The following LPP variants were observed in gnomAD, a reference collection of about 807,000 sequenced individuals.
The protein encoded by LPP is LIM domain containing preferred translocation partner in lipoma, also known as lipoma-preferred partner.
A neutral mutation model predicts 60.4 loss-of-function variants in LPP; 38 were observed. The observed-to-expected ratio is 0.63, with a 90% CI of 0.49 to 0.83. The LOEUF is 0.83. Among genes scored for constraint, LPP ranks in the 40% least tolerant of loss-of-function variants. LPP has a pLI of 0.00. For missense variants in LPP, 902 were observed against 783.6 expected, an observed-to-expected ratio of 1.15 and a Z score of -1.80; for synonymous variants, 328 against 290.8, an observed-to-expected ratio of 1.13 and a Z score of -1.30.
At chr3:188,388,724 C>G (rs914953914) in intron 3 of LPP, among the ~76,000 whole-genome samples, 1 of 152,124 alleles carries the variant, frequency 6.6e-6, no homozygotes, top group Non-Finnish European at 1.5e-5. Context: ...ATAAAACTTG[C>G]AAAAGTCTTC....
chr3:188,434,990 A>G (rs912708215), intron 4 of LPP, among the ~76,000 whole-genome samples: 5 of 152,228 alleles, frequency 3.3e-5, no homozygotes, highest in African/African-American at 1.2e-4. Flanking sequence ...CATAACTTCA[A>G]ACATCTCAGT....
chr3:188,387,286 A>ATT (rs750864833), intron 3 of LPP, among the ~76,000 whole-genome samples: 5 of 152,078 alleles, frequency 3.3e-5, no homozygotes, highest in Non-Finnish European at 7.4e-5. Context: ...TCATGATCAT[A>ATT]TTTATGTATT....
intron 8 of LPP, among the ~76,000 whole-genome samples, chr3:188,744,129 C>A (rs1258741664): frequency 6.6e-6 from 1 of 152,136 alleles, no homozygotes; most frequent in Non-Finnish European, 1.5e-5. Flanking sequence ...TACATACTCA[C>A]AAACATATAT....
chr3:188,575,895 G>C (rs116580249), intron 6 of LPP, among the ~76,000 whole-genome samples: 1 of 151,930 alleles, frequency 6.6e-6, no homozygotes, highest in Non-Finnish European at 1.5e-5. Context: ...CTATGTGATT[G>C]ACTGGATTTG....
At chr3:188,782,762 C>T (rs1382231340) in intron 9 of LPP, among the ~76,000 whole-genome samples, 1 of 151,750 alleles carries the variant, frequency 6.6e-6, no homozygotes, top group Non-Finnish European at 1.5e-5. Flanking sequence ...AAAACACAGC[C>T]GGGCATAATC....
intron 8 of LPP, among the ~76,000 whole-genome samples, chr3:188,755,393 A>C (rs990943837): frequency 1.3e-5 from 2 of 152,210 alleles, no homozygotes; most frequent in Non-Finnish European, 2.9e-5. Context: ...CTTGCAAAAG[A>C]GGGTCTGTGG....
chr3:188,565,072 C>T (rs1267595509), intron 6 of LPP, among the ~76,000 whole-genome samples: 3 of 151,888 alleles, frequency 2.0e-5, no homozygotes, highest in Non-Finnish European at 4.4e-5. Context: ...GCTGGTTCTT[C>T]TCCAGTACAC....
In LPP at chr3:188,609,029, C is replaced by T. The variant is rs1187503312; in HGVS notation, c.430-132C>T. The T allele has an allele frequency of 4.2e-6, 3 of 720,606 alleles. No homozygotes were observed. Among genetic ancestry groups the T allele is most frequent in the Non-Finnish European group, 6.7e-6 (3 of 445,390 alleles). The allele number at this position is 720,606 out of a possible 1,614,324, so 44.6% of individuals were successfully genotyped here. ...TGAACACTTTGAAGGCAAGATTATG[C>T]CTTATTTGTGTTCTACATAGTAATA... On this transcript the variant is annotated intron_variant, in intron 6 of 11. Transcript: ENST00000617246. The surrounding 1 kb of genome is among the most constrained non-coding windows in gnomAD (Gnocchi z 6.9).
At chr3:188,690,632 A>G (rs1475472615) in intron 7 of LPP, among the ~76,000 whole-genome samples, 1 of 152,232 alleles carries the variant, frequency 6.6e-6, no homozygotes, top group Non-Finnish European at 1.5e-5. Flanking sequence ...TTCTATAAAT[A>G]CTTACCAAAA....
At chr3:188,741,102 A>G (rs951384057) in intron 8 of LPP, among the ~76,000 whole-genome samples, 1 of 151,880 alleles carries the variant, frequency 6.6e-6, no homozygotes, top group African/African-American at 2.4e-5. Flanking sequence ...TAATATCTTC[A>G]GAGAGAAAAT....
intron 3 of LPP, among the ~76,000 whole-genome samples, chr3:188,387,167 AT>A (rs1438258093): frequency 1.3e-5 from 2 of 152,084 alleles, no homozygotes; most frequent in African/African-American, 4.8e-5. Context: ...AAGTTACAAC[AT>A]TCTATCAAGT....
chr3:188,821,572 CCTT>C (rs1251295644), intron 9 of LPP, among the ~76,000 whole-genome samples: 4 of 151,898 alleles, frequency 2.6e-5, no homozygotes, highest in East Asian at 1.9e-4. Flanking sequence ...TTTGCTTTTT[CCTT>C]CTTCTTTTAA....
At chr3:188,579,791 C>T (rs1835628580) in intron 6 of LPP, among the ~76,000 whole-genome samples, 1 of 142,766 alleles carries the variant, frequency 7.0e-6, no homozygotes, top group South Asian at 2.2e-4. Context: ...CAGATCCTGT[C>T]TCTACAAAAA....
At chr3:188,771,563 A>AAAG (rs1553842318) in intron 9 of LPP, among the ~76,000 whole-genome samples, 77 of 95,126 alleles carry the variant, frequency 8.1e-4, no homozygotes, top group South Asian at 5.6e-3. Context: ...AAAAAAAAAA[A>AAAG]AAAGAAAGAA....
intron 2 of LPP, among the ~76,000 whole-genome samples, chr3:188,260,286 G>A (rs921790547): frequency 2.6e-5 from 4 of 152,020 alleles, no homozygotes; most frequent in East Asian, 3.9e-4. Context: ...CAAGTGATCC[G>A]CCTGCCTTGG....
chr3:188,822,818 A>G (rs1754357637), intron 9 of LPP, among the ~76,000 whole-genome samples: 1 of 152,172 alleles, frequency 6.6e-6, no homozygotes, highest in African/African-American at 2.4e-5. Context: ...CCAGGAATGC[A>G]TTGTGTCTAA....
chr3:188,720,329 A>T (rs541913266), intron 8 of LPP, among the ~76,000 whole-genome samples: 2 of 152,322 alleles, frequency 1.3e-5, no homozygotes, highest in African/African-American at 4.8e-5. Flanking sequence ...ATGGCCAAGG[A>T]GAGAAAGCAT....
chr3:188,165,791 A>G (rs16863060), intron 1 of LPP, among the ~76,000 whole-genome samples: 6,926 of 152,254 alleles, frequency 0.045, 241 homozygotes, highest in African/African-American at 0.099. Flanking sequence ...ATAGAATAGA[A>G]GTCACAGAGT....
chr3:188,283,862 A>G (rs1261027378), intron 2 of LPP, among the ~76,000 whole-genome samples: 2 of 152,082 alleles, frequency 1.3e-5, no homozygotes, highest in African/African-American at 4.8e-5. Flanking sequence ...CTGTAATCCC[A>G]GCTACTCAGG....
Sources: gnomAD v4.1 joint callset for allele counts (sites outside exome capture counted in the v4.1 genomes callset) on GRCh38, gnomAD v4.1.1 for gene constraint, Gnocchi (gnomAD v3.1) non-coding constraint, MANE v1.5 for transcripts, NCBI Gene and HGNC (gene_info 2026-07-23, HGNC 2026-07-21) for gene names.